RYR3: variants seen among roughly 807,000 people sequenced by gnomAD.
RYR3 encodes brain ryanodine receptor-calcium release channel.
RYR3 carries 207 observed loss-of-function variants against 584.3 expected under a neutral mutation model. The observed-to-expected ratio is 0.35, with a 90% confidence interval of 0.32 to 0.40. RYR3 has a LOEUF of 0.40. RYR3 is among the 10% of genes least tolerant of loss of function. The pLI is 1.00. For missense variants in RYR3, 5,616 were observed against 6,089.2 expected (o/e 0.92, Z 2.59); for synonymous variants, 2,416 against 2,248.5 (o/e 1.07, Z -2.11).
At chr15:33,503,034 T>A (rs1431398460) in intron 2 of RYR3, among the ~76,000 whole-genome samples, 3 of 152,224 alleles carry the variant, frequency 2.0e-5, no homozygotes, top group African/African-American at 7.2e-5. Context: ...CGATGTTAAC[T>A]GGTCACTGTT....
At chr15:33,518,773 G>A (rs2053737144) in intron 3 of RYR3, among the ~76,000 whole-genome samples, 1 of 152,190 alleles carries the variant, frequency 6.6e-6, no homozygotes, top group Non-Finnish European at 1.5e-5. Flanking sequence ...ACCTAAGCTA[G>A]CCTCTGAAAG....
intron 19 of RYR3, among the ~76,000 whole-genome samples, chr15:33,621,229 C>T (rs2060708536): frequency 6.6e-6 from 1 of 152,174 alleles, no homozygotes; most frequent in African/African-American, 2.4e-5. Context: ...CATAAGAGAT[C>T]ATTTACTTGT....
At chr15:33,826,144 A>G in intron 82 of RYR3, 108 bp from the exon 83 acceptor site, 9 of 1,057,850 alleles carry the variant, frequency 8.5e-6, no homozygotes, top group Non-Finnish European at 1.3e-5. Flanking sequence ...TAATAAAGCT[A>G]TCATCTAGGA....
At chr15:33,764,389 G>GAC (rs903481234) in intron 60 of RYR3, among the ~76,000 whole-genome samples, 24 of 152,100 alleles carry the variant, frequency 1.6e-4, no homozygotes, top group African/African-American at 5.6e-4. Context: ...AGAACACATA[G>GAC]ACACAGAGAG....
intron 12 of RYR3, among the ~76,000 whole-genome samples, chr15:33,568,494 T>C (rs1387541396): frequency 3.3e-5 from 5 of 152,008 alleles, no homozygotes; most frequent in African/African-American, 4.8e-5. Flanking sequence ...TTGTTTGAGA[T>C]AGGGTCTCAC....
rs1374940780 is a variant in RYR3 at position 33,748,541 on chromosome 15, C to T, written c.8199+11C>T. 6.2e-7 allele frequency: 1 copy of T among 1,609,238 alleles called. No individual in the cohort carries two copies. Among genetic ancestry groups the T allele is most frequent in the South Asian group, 1.1e-5 (1 of 90,230 alleles). ...TCCAGAGAGCTCCAGGTCAGTGCCCCAGGTCCAGCATGACTTGCTTTCAAG... is the reference window on the plus strand; with the variant it reads ...TCCAGAGAGCTCCAGGTCAGTGCCCTAGGTCCAGCATGACTTGCTTTCAAG... On this transcript the variant is annotated intron_variant, in intron 55 of 103. Coordinates refer to ENST00000634891, the MANE Select transcript of RYR3 (RefSeq NM_001036.6).
Position 33,659,743 on chromosome 15 carries a change from T to C in RYR3, c.4332T>C (p.Phe1444=). ...AGGTGGAGCCTAATACCAAAGTGTT[T>C]CCAGCAGTCTTCCTGCAGCCTACAA... ...CYQVEPNTKV[F]PAVFLQPTST... Residue 1444 remains phenylalanine, a synonymous_variant, in exon 33 of 104, where the codon TTT becomes TTC. Coordinates refer to ENST00000634891, the MANE Select transcript of RYR3 (RefSeq NM_001036.6). The C allele has an allele frequency of 5.0e-6, 8 of 1,612,910 alleles. No homozygotes were observed. Among genetic ancestry groups the C allele is most frequent in the Non-Finnish European group, 6.8e-6 (8 of 1,178,882 alleles).
Position 33,835,081 on chromosome 15 carries a change from G to A in RYR3, c.11568+9G>A, listed in dbSNP as rs781265561. 3 of 1,594,238 alleles carry A rather than the reference G, an allele frequency of 1.9e-6. No homozygotes were observed. The highest frequency in any genetic ancestry group is 2.6e-6 in the Non-Finnish European group (3 of 1,163,044). ...AGATGAAACTCTCTCAGGTACTGTG[G>A]CCCATTCCCTGCACGTGTCATTGTT... On this transcript the variant is annotated intron_variant, in intron 87 of 103. Transcript: ENST00000634891.
chr15:33,705,101 TTCTCTCTCTCTC>T (rs10534581), intron 42 of RYR3, among the ~76,000 whole-genome samples: 25,354 of 142,180 alleles, frequency 0.18, 2,210 homozygotes, highest in Middle Eastern at 0.2. Flanking sequence ...CACACACTCT[TTCTCTCTCTCTC>T]TCTCTCTCTC....
intron 36 of RYR3, among the ~76,000 whole-genome samples, chr15:33,668,754 T>TA (rs2063639053): frequency 6.6e-6 from 1 of 152,170 alleles, no homozygotes; most frequent in Non-Finnish European, 1.5e-5. Context: ...AAAAAAACAT[T>TA]AAAATATGCA....
chr15:33,808,898 A>G (rs1408194334), intron 70 of RYR3, among the ~76,000 whole-genome samples: 1 of 152,010 alleles, frequency 6.6e-6, no homozygotes, highest in African/African-American at 2.4e-5. Flanking sequence ...GACGCAAGAT[A>G]CCCCTGCAAC....
In RYR3 at chr15:33,311,530, C is replaced by T. The variant is rs541255109; in HGVS notation, c.51+434C>T. On this transcript the variant is annotated intron_variant, in intron 1 of 103. Coordinates refer to ENST00000634891, the MANE Select transcript of RYR3 (RefSeq NM_001036.6). This position sits in a 1 kb window ranked among gnomAD's most constrained non-coding sequence, Gnocchi z 4.4. ...CCATTCCTCTTCCAGGGCGCCCCCACGCACAGGGGAACCTCCGGGAAGGAG... is the reference window on the plus strand; with the variant it reads ...CCATTCCTCTTCCAGGGCGCCCCCATGCACAGGGGAACCTCCGGGAAGGAG... Among the ~76,000 whole-genome samples the T allele has an allele frequency of 7.9e-5, 12 of 152,304 alleles. No individual in the cohort carries two copies. In the East Asian group the frequency reaches 2.1e-3, roughly 27 times the overall value.
In RYR3 at chr15:33,860,940, C is replaced by G. The variant is rs945058822; in HGVS notation, c.14365-138C>G. 5.6e-5 allele frequency: 35 copies of G among 622,126 alleles called. 1 individual carries two copies. The Admixed American group carries it at 8.3e-4, about 15-fold the overall frequency. The allele number at this position is 622,126 out of a possible 1,614,324, so 38.5% of individuals were successfully genotyped here. ...AATGACTAATAGCCAATGTATGGCA[C>G]TACTGAGTGAATGACTAATAGCCAA... On this transcript the variant is annotated intron_variant, in intron 101 of 103. Coordinates refer to ENST00000634891, the MANE Select transcript of RYR3 (RefSeq NM_001036.6).
chr15:33,527,805 G>A lies in RYR3; in HGVS notation c.280-2787G>A, dbSNP rs143871764. 4.6e-5 allele frequency among the ~76,000 whole-genome samples: 7 copies of A among 152,256 alleles called. 1 individual carries two copies. The South Asian group carries it at 1.0e-3, about 23-fold the overall frequency. On this transcript the variant is annotated intron_variant, in intron 3 of 103. Coordinates refer to ENST00000634891, the MANE Select transcript of RYR3 (RefSeq NM_001036.6). Reference sequence around the variant, plus strand: ...TTTTTAAAGGATGTCTCTGGCTGCCGTGACTGAAAGGAGGAAGGGCAGAGC... The same window carrying A: ...TTTTTAAAGGATGTCTCTGGCTGCCATGACTGAAAGGAGGAAGGGCAGAGC...
chr15:33,766,734 C>T (rs2073106978), intron 60 of RYR3, among the ~76,000 whole-genome samples: 2 of 152,240 alleles, frequency 1.3e-5, no homozygotes, highest in African/African-American at 4.8e-5. Flanking sequence ...GTCTGCATTG[C>T]CAGATTTCTC....
intron 19 of RYR3, among the ~76,000 whole-genome samples, chr15:33,613,624 AAATT>A (rs2060305840): frequency 6.6e-6 from 1 of 152,218 alleles, no homozygotes; most frequent in African/African-American, 2.4e-5. Flanking sequence ...CCTGTGTAGA[AAATT>A]AATAATTATA....
At chr15:33,556,969 A>G (rs1016203761) in intron 10 of RYR3, among the ~76,000 whole-genome samples, 1 of 152,202 alleles carries the variant, frequency 6.6e-6, no homozygotes, top group African/African-American at 2.4e-5. Context: ...TTCTAATAGT[A>G]GTATATGTTT....
intron 27 of RYR3, among the ~76,000 whole-genome samples, chr15:33,641,110 A>C (rs2061798086): frequency 6.6e-6 from 1 of 152,212 alleles, no homozygotes; most frequent in Non-Finnish European, 1.5e-5. Context: ...ATCTAGAGAC[A>C]AACAGGTGAA....
intron 2 of RYR3, among the ~76,000 whole-genome samples, chr15:33,478,720 G>A (rs1183720531): frequency 6.6e-6 from 1 of 152,164 alleles, no homozygotes; most frequent in Non-Finnish European, 1.5e-5. Context: ...AACTACTATG[G>A]CCTTGTTAGA....
Sources: allele counts gnomAD v4.1 joint callset (sites outside exome capture counted in the v4.1 genomes callset), GRCh38; gene constraint gnomAD v4.1.1; non-coding constraint Gnocchi (gnomAD v3.1); transcripts MANE v1.5; gene names NCBI Gene and HGNC (gene_info 2026-07-23, HGNC 2026-07-21).